The following RBFOX1 variants were observed in gnomAD, a reference collection of about 807,000 sequenced individuals.
RBFOX1 encodes RNA binding protein fox-1 homolog 1.
A neutral mutation model predicts 57.7 loss-of-function variants in RBFOX1; 8 were observed. The observed-to-expected ratio is 0.14, with a 90% confidence interval of 0.08 to 0.25. The LOEUF (loss-of-function observed/expected upper bound fraction) is 0.25. Ranked by LOEUF, RBFOX1 falls within the 10% of genes least tolerant of loss-of-function variation. The pLI is 1.00. For missense variants in RBFOX1, 611 were observed against 548.5 expected (o/e 1.11, Z -1.14); for synonymous variants, 326 against 222.4 (o/e 1.47, Z -4.15).
At chr16:6,828,839 C>T (rs1311766723) in intron 3 of RBFOX1, among the ~76,000 whole-genome samples, 4 of 152,174 alleles carry the variant, frequency 2.6e-5, no homozygotes, top group Non-Finnish European at 5.9e-5. Context: ...AATTTCCACC[C>T]TTTCCCAGGA....
intron 2 of RBFOX1, among the ~76,000 whole-genome samples, chr16:6,506,504 G>A (rs139293855): frequency 1.5e-4 from 23 of 152,122 alleles, no homozygotes; most frequent in African/African-American, 3.4e-4. Context: ...AAAAAGATGC[G>A]TCAGGGTTAA....
In RBFOX1 at chr16:6,986,323, C is replaced by T. The variant is rs138610441; in HGVS notation, c.-15-65734C>T. ...TCAAGCGACTCTTGCCTCAGCCTCC[C>T]GAGTAGCTGGGATTGCAGGCGTCTG... On this transcript the variant is annotated intron_variant, in intron 3 of 15. Coordinates refer to ENST00000550418, the MANE Select transcript of RBFOX1 (RefSeq NM_018723.4). Among the ~76,000 whole-genome samples the T allele has an allele frequency of 8.5e-5, 13 of 152,170 alleles. No individual in the cohort carries two copies. The Middle Eastern group carries it at 0.014, about 159-fold the overall frequency.
intron 2 of RBFOX1, among the ~76,000 whole-genome samples, chr16:6,622,010 C>T (rs1262858318): frequency 6.6e-6 from 1 of 152,116 alleles, no homozygotes; most frequent in Non-Finnish European, 1.5e-5. Context: ...GGGCTTACAC[C>T]ATTTTCAAGC....
At chr16:5,748,821 T>G (rs1190734522) in intron 3 of RBFOX1, among the ~76,000 whole-genome samples, 1 of 152,214 alleles carries the variant, frequency 6.6e-6, no homozygotes, top group Non-Finnish European at 1.5e-5. Flanking sequence ...TGACTCTTTA[T>G]CCAATTTGCC....
intron 3 of RBFOX1, among the ~76,000 whole-genome samples, chr16:5,757,916 A>C (rs1193835883): frequency 6.7e-6 from 1 of 150,190 alleles, no homozygotes; most frequent in Non-Finnish European, 1.5e-5. Flanking sequence ...CCCCTTCACT[A>C]CTCTCGCTGG....
chr16:7,694,372 C>G (rs569542055), intron 14 of RBFOX1, among the ~76,000 whole-genome samples: 9 of 152,210 alleles, frequency 5.9e-5, no homozygotes, highest in East Asian at 5.8e-4. Flanking sequence ...TATTTACTGC[C>G]TTTGGTGAGA....
At chr16:6,586,378 A>G (rs913290450) in intron 2 of RBFOX1, among the ~76,000 whole-genome samples, 2 of 152,230 alleles carry the variant, frequency 1.3e-5, no homozygotes, top group African/African-American at 4.8e-5. Flanking sequence ...TGGACCCAGT[A>G]GTAATCTATC....
intron 4 of RBFOX1, among the ~76,000 whole-genome samples, chr16:5,914,373 C>T (rs1305668740): frequency 6.6e-6 from 1 of 152,192 alleles, no homozygotes; most frequent in Non-Finnish European, 1.5e-5. Context: ...CATGAGTTTG[C>T]ATTTATGCTG....
chr16:6,572,700 C>G (rs1479610353), intron 2 of RBFOX1, among the ~76,000 whole-genome samples: 2 of 152,068 alleles, frequency 1.3e-5, no homozygotes, highest in Non-Finnish European at 2.9e-5. Context: ...TCAAGCGATT[C>G]TCTTGCCTCA....
At chr16:5,603,815 G>A (rs561294649), downstream of RBFOX1, among the ~76,000 whole-genome samples, 4 of 152,314 alleles carry the variant, frequency 2.6e-5, no homozygotes, top group East Asian at 7.7e-4. Flanking sequence ...GCAGGTACAT[G>A]TTTCCTTTTG....
chr16:7,652,440 C>T (rs2065267695), intron 11 of RBFOX1, among the ~76,000 whole-genome samples: 1 of 152,188 alleles, frequency 6.6e-6, no homozygotes, highest in Admixed American at 6.5e-5. Flanking sequence ...AAAAGTCTTG[C>T]TGTGTCACTC....
At chr16:5,555,914 G>C (rs1440195351) in intron 2 of RBFOX1, among the ~76,000 whole-genome samples, 1 of 152,088 alleles carries the variant, frequency 6.6e-6, no homozygotes, top group Non-Finnish European at 1.5e-5. Context: ...CCAGTTACTT[G>C]GGAGGCTGAG....
chr16:7,034,417 G>A (rs1343853008), intron 3 of RBFOX1, among the ~76,000 whole-genome samples: 1 of 152,158 alleles, frequency 6.6e-6, no homozygotes, highest in East Asian at 1.9e-4. Context: ...GTCTCGGGAT[G>A]ATGAAGAGAG....
chr16:5,452,764 C>G (rs2068466937), intron 1 of RBFOX1, among the ~76,000 whole-genome samples: 1 of 151,950 alleles, frequency 6.6e-6, no homozygotes. Context: ...CCGCCTCAGC[C>G]TCCTGAATAG....
intron 3 of RBFOX1, among the ~76,000 whole-genome samples, chr16:5,745,073 C>T (rs1247077066): frequency 6.6e-6 from 1 of 152,150 alleles, no homozygotes. Context: ...AGGTATATCT[C>T]CCAGTGCTAT....
rs1567984166 is a variant in RBFOX1 at position 6,637,139 on chromosome 16, A to ATATAT, written c.-63-17463_-63-17459dup. Reference sequence around the variant, plus strand: ...TATATAAATTTATATTATATATTAAATATATAATATACAATATATATTATA... The same window carrying ATATAT: ...TATATAAATTTATATTATATATTAAATATATTATATAATATACAATATATATTATA... On this transcript the variant is annotated intron_variant, in intron 2 of 15. Transcript: ENST00000550418. 3.1e-4 allele frequency among the ~76,000 whole-genome samples: 29 copies of ATATAT among 92,810 alleles called. 7 individuals are homozygous for ATATAT. The highest frequency in any genetic ancestry group is 5.5e-4 in the South Asian group (2 of 3,654). 60.9% of individuals were successfully genotyped at this position (92,810 alleles called of 152,430 possible).
chr16:5,851,854 G>A (rs1478847091), intron 3 of RBFOX1, among the ~76,000 whole-genome samples: 3 of 152,168 alleles, frequency 2.0e-5, no homozygotes, highest in South Asian at 2.1e-4. Flanking sequence ...GTGAGTAAAG[G>A]AAGGACGATG....
At chr16:6,534,424 G>A (rs530059365) in intron 2 of RBFOX1, among the ~76,000 whole-genome samples, 10 of 152,070 alleles carry the variant, frequency 6.6e-5, no homozygotes, top group Non-Finnish European at 1.0e-4. Context: ...TCTTTCACCC[G>A]CTAAGATGCC....
chr16:6,636,533 C>T (rs1032593209), intron 2 of RBFOX1, among the ~76,000 whole-genome samples: 2 of 151,778 alleles, frequency 1.3e-5, no homozygotes, highest in African/African-American at 2.4e-5. Context: ...AATTATTAAA[C>T]CTCTAATTAC....
Sources: gnomAD v4.1 joint callset for allele counts (sites outside exome capture counted in the v4.1 genomes callset) on GRCh38, gnomAD v4.1.1 for gene constraint, MANE v1.5 for transcripts, NCBI Gene and HGNC (gene_info 2026-07-23, HGNC 2026-07-21) for gene names.